PDE1C: variants seen among roughly 807,000 people sequenced by gnomAD.
The protein encoded by PDE1C is dual specificity calcium/calmodulin-dependent 3',5'-cyclic nucleotide phosphodiesterase 1C.
PDE1C carries 62 observed loss-of-function variants against 93.1 expected under a neutral mutation model. The observed-to-expected ratio is 0.67, with a 90% CI of 0.54 to 0.82. The LOEUF (loss-of-function observed/expected upper bound fraction) is 0.82, where lower values mean the gene tolerates loss of function less well. Ranked by LOEUF, PDE1C falls within the 40% of genes least tolerant of loss-of-function variation. The pLI is 0.00. For missense variants in PDE1C, 742 were observed against 884.6 expected (o/e 0.84, Z 2.04); for synonymous variants, 325 against 310.1 (o/e 1.05, Z -0.50).
intron 2 of PDE1C, among the ~76,000 whole-genome samples, chr7:31,986,929 AACACACAC>A (rs10551724): frequency 3.3e-5 from 5 of 149,792 alleles, no homozygotes; most frequent in South Asian, 2.1e-4. Flanking sequence ...ATTGAACACG[AACACACAC>A]ACACACACAC....
chr7:32,128,906 AATATATATATAT>A (rs763801947), intron 3 of PDE1C, among the ~76,000 whole-genome samples: 7,470 of 55,706 alleles, frequency 0.13, 665 homozygotes, highest in Middle Eastern at 0.19. Flanking sequence ...AAGTATAACA[AATATATATATAT>A]ATATATATAT....
chr7:31,677,681 T>C, the PDE1C span, among the ~76,000 whole-genome samples: 1 of 152,182 alleles, frequency 6.6e-6, no homozygotes, highest in Non-Finnish European at 1.5e-5. Context: ...ATGTAGTACC[T>C]TATGTATTAG....
intron 1 of PDE1C, among the ~76,000 whole-genome samples, chr7:32,275,750 A>T (rs183991722): frequency 6.6e-6 from 1 of 152,312 alleles, no homozygotes; most frequent in Admixed American, 6.5e-5. Flanking sequence ...AAATTAAGTG[A>T]ATGTGTAGTT....
chr7:31,861,102 C>A (rs1794641780), intron 7 of PDE1C, among the ~76,000 whole-genome samples: 1 of 152,114 alleles, frequency 6.6e-6, no homozygotes, highest in Non-Finnish European at 1.5e-5. Flanking sequence ...TTCCATGTTG[C>A]CAGAGTGAAT....
the PDE1C span, among the ~76,000 whole-genome samples, chr7:31,676,506 A>T: frequency 5.5e-4 from 84 of 152,212 alleles, no homozygotes; most frequent in Non-Finnish European, 1.1e-3. Flanking sequence ...TTAAAAACAA[A>T]AAAATGAAAA....
intron 3 of PDE1C, among the ~76,000 whole-genome samples, chr7:32,109,236 T>G (rs1176623770): frequency 6.6e-6 from 1 of 152,118 alleles, no homozygotes; most frequent in Non-Finnish European, 1.5e-5. Flanking sequence ...ATTTGAAAAT[T>G]TTAAAAAAGA....
Position 31,901,365 on chromosome 7 carries a change from T to C in PDE1C, c.129-20505A>G, listed in dbSNP as rs115158022. Among the ~76,000 whole-genome samples, 1,373 of 151,362 alleles carry C rather than the reference T, an allele frequency of 9.1e-3. 19 individuals are homozygous for C. Among genetic ancestry groups the C allele is most frequent in the African/African-American group, 0.031 (1,293 of 41,494 alleles). Reference sequence around the variant, plus strand: ...AAAGGTTCAATAACATTTAAAAATATAAAGAAAGCTATTCTATTCAATATA... The same window carrying C: ...AAAGGTTCAATAACATTTAAAAATACAAAGAAAGCTATTCTATTCAATATA... On this transcript the variant is annotated intron_variant, in intron 2 of 17. Coordinates refer to ENST00000396191, the MANE Select transcript of PDE1C (RefSeq NM_001191057.4).
intron 1 of PDE1C, among the ~76,000 whole-genome samples, chr7:32,262,285 C>A (rs899206363): frequency 6.6e-6 from 1 of 152,032 alleles, no homozygotes; most frequent in Non-Finnish European, 1.5e-5. Flanking sequence ...GTCTGTGGCC[C>A]CCTCCTATCT....
At chr7:31,732,132 A>T in the PDE1C span, among the ~76,000 whole-genome samples, 7 of 152,114 alleles carry the variant, frequency 4.6e-5, no homozygotes, top group African/African-American at 1.4e-4. Context: ...TTAGTACTTC[A>T]TTTTCCTGAG....
At chr7:32,338,565 C>T (rs551851817) in intron 1 of PDE1C, among the ~76,000 whole-genome samples, 4 of 152,226 alleles carry the variant, frequency 2.6e-5, no homozygotes, top group Admixed American at 2.6e-4. Context: ...AACTGCTATA[C>T]AAAACAGGCA....
chr7:32,255,144 C>T (rs1276607847), intron 1 of PDE1C, among the ~76,000 whole-genome samples: 6 of 152,166 alleles, frequency 3.9e-5, no homozygotes, highest in African/African-American at 1.4e-4. Flanking sequence ...AAGGGCCCAG[C>T]GCGTGAACCC....
chr7:32,407,273 C>G (rs561949427), intron 1 of PDE1C, among the ~76,000 whole-genome samples: 1 of 151,970 alleles, frequency 6.6e-6, no homozygotes, highest in South Asian at 2.1e-4. Flanking sequence ...AGACTCAGTC[C>G]CAAAAAATAA....
At chr7:32,311,588 G>T (rs1783042311) in intron 1 of PDE1C, among the ~76,000 whole-genome samples, 1 of 152,114 alleles carries the variant, frequency 6.6e-6, no homozygotes, top group African/African-American at 2.4e-5. Context: ...TGGGATGCAA[G>T]GCTGGTTCAA....
At chr7:31,880,901 A>C (rs951909700) in intron 2 of PDE1C, 41 bp from the exon 3 acceptor site, 2 of 1,167,774 alleles carry the variant, frequency 1.7e-6, no homozygotes, top group African/African-American at 3.0e-5. Flanking sequence ...GAATAGAGGA[A>C]ACAAAGAATA....
chr7:32,116,181 T>A (rs930712117), intron 3 of PDE1C, among the ~76,000 whole-genome samples: 19 of 152,230 alleles, frequency 1.2e-4, no homozygotes, highest in Non-Finnish European at 1.0e-4. Context: ...CTTTGAAACT[T>A]CATGTGATGA....
At chr7:32,091,554 C>T (rs548696051) in intron 3 of PDE1C, among the ~76,000 whole-genome samples, 5 of 152,158 alleles carry the variant, frequency 3.3e-5, no homozygotes, top group South Asian at 2.1e-4. Flanking sequence ...GGGCAACAGC[C>T]GGATCATTAG....
In PDE1C at chr7:31,837,229, T is replaced by C. The variant is rs994777131; in HGVS notation, c.1154A>G (p.Asp385Gly). ...ADISHPAKAWDLHHRWTMSLL... is the reference protein window; with the variant it reads ...ADISHPAKAWGLHHRWTMSLL... Reference sequence around the variant, plus strand: ...TGACATTGTCCAGCGATGATGGAGGTCCCATGCTTTTGCTGGATGGCTAAT... The same window carrying C: ...TGACATTGTCCAGCGATGATGGAGGCCCCATGCTTTTGCTGGATGGCTAAT... The change falls in exon 11 of 18, where the codon GAC becomes GGC. Residue 385 changes from aspartate to glycine, a missense_variant. Physicochemically the swap from Asp to Gly is moderately conservative, Grantham distance 94 (BLOSUM62 -1). Coordinates refer to ENST00000396191, the MANE Select transcript of PDE1C (RefSeq NM_001191057.4). The C allele has an allele frequency of 6.8e-6, 11 of 1,613,680 alleles. No homozygotes were observed. The African/African-American group carries it at 8.0e-5, about 12-fold the overall frequency.
At chr7:31,957,823 T>C (rs1808360872) in intron 2 of PDE1C, among the ~76,000 whole-genome samples, 1 of 152,144 alleles carries the variant, frequency 6.6e-6, no homozygotes, top group South Asian at 2.1e-4. Flanking sequence ...ATATCATCTG[T>C]TGTGAAGCCA....
chr7:32,338,489 T>C (rs74977042), intron 1 of PDE1C, among the ~76,000 whole-genome samples: 9,838 of 152,082 alleles, frequency 0.065, 380 homozygotes, highest in East Asian at 0.13. Flanking sequence ...AACAGAAAAC[T>C]AGTGTTGGCA....
Sources: allele counts gnomAD v4.1 joint callset (sites outside exome capture counted in the v4.1 genomes callset), GRCh38; gene constraint gnomAD v4.1.1; transcripts MANE v1.5; gene names NCBI Gene and HGNC (gene_info 2026-07-23, HGNC 2026-07-21).